Variants in ATRN observed in about 807,000 individuals in gnomAD.
ATRN encodes attractin-2.
In ATRN, 54 loss-of-function variants were observed where a neutral mutation model predicts 178.7. That is an observed-to-expected ratio of 0.30 (90% confidence interval 0.24 to 0.38). The LOEUF is 0.38. Ranked by LOEUF, ATRN falls within the 10% of genes least tolerant of loss-of-function variation. ATRN has a pLI of 1.00. For synonymous variants in ATRN, 636 were observed against 663.0 expected (o/e 0.96, Z 0.63); for missense variants, 1,443 against 1,815.1 (o/e 0.79, Z 3.73).
chr20:3,538,101 T>TC (rs991989045), intron 2 of ATRN, among the ~76,000 whole-genome samples: 4 of 109,664 alleles, frequency 3.6e-5, no homozygotes, highest in African/African-American at 1.0e-4. Context: ...ATGCTATCCC[T>TC]CCCCCCTCCC....
At chr20:3,534,872 C>T (rs1051333511) in intron 1 of ATRN, among the ~76,000 whole-genome samples, 9 of 151,688 alleles carry the variant, frequency 5.9e-5, no homozygotes, top group South Asian at 2.1e-4. Context: ...TTTGGGAAGC[C>T]GAGATGGGAG....
intron 25 of ATRN, among the ~76,000 whole-genome samples, chr20:3,626,539 G>T (rs1008912174): frequency 6.6e-6 from 1 of 151,922 alleles, no homozygotes; most frequent in Non-Finnish European, 1.5e-5. Flanking sequence ...AACACTTCAG[G>T]CTTCTTATTT....
rs1214309175 is a variant in ATRN, at chr20:3,546,691, A to G, written c.738-593A>G. 2.0e-5 allele frequency among the ~76,000 whole-genome samples: 3 copies of G among 152,060 alleles called. No homozygotes were observed. The East Asian group carries it at 5.8e-4, about 29-fold the overall frequency. On this transcript the variant is annotated intron_variant, in intron 4 of 28. Transcript: ENST00000262919. ...CAGCCGTGAGCCACTGCGCCTGGCC[A>G]TAGTTCAATTCTTACATTAAGTTAA...
chr20:3,500,096 C>T (rs1472182982), intron 1 of ATRN, among the ~76,000 whole-genome samples: 4 of 152,220 alleles, frequency 2.6e-5, no homozygotes, highest in Non-Finnish European at 5.9e-5. Context: ...CTCACCATCC[C>T]TGGCCATCAG....
At chr20:3,564,515 C>A (rs1445562939) in intron 10 of ATRN, among the ~76,000 whole-genome samples, 1 of 152,102 alleles carries the variant, frequency 6.6e-6, no homozygotes, top group African/African-American at 2.4e-5. Flanking sequence ...ATAGCAGCAC[C>A]AGTTGGTATT....
intron 21 of ATRN, 73 bp from the exon 22 acceptor site, chr20:3,597,833 G>C: frequency 1.1e-6 from 1 of 900,440 alleles, no homozygotes; most frequent in South Asian, 1.6e-5. Context: ...AAGAAAAGCA[G>C]CCTGTATCTC....
chr20:3,487,777 A>G (rs1445597964), intron 1 of ATRN, among the ~76,000 whole-genome samples: 1 of 152,182 alleles, frequency 6.6e-6, no homozygotes, highest in East Asian at 1.9e-4. Flanking sequence ...GGTGGTATGT[A>G]TTAGAACTCA....
At chr20:3,564,634 A>G (rs2086006301) in intron 10 of ATRN, among the ~76,000 whole-genome samples, 1 of 152,224 alleles carries the variant, frequency 6.6e-6, no homozygotes, top group Admixed American at 6.5e-5. Flanking sequence ...AAATTTCTTG[A>G]AATTTCATTT....
intron 1 of ATRN, chr20:3,491,027 C>G (rs2084785884): frequency 1.6e-6 from 2 of 1,276,732 alleles, no homozygotes; most frequent in Admixed American, 1.8e-5. Context: ...CGCAGCCTCT[C>G]TTAAAAATTT....
At position 3,645,650 on chromosome 20, in the gene ATRN, G is replaced by A. The variant is rs1295825079; in HGVS notation, c.4166-1073G>A. Among the ~76,000 whole-genome samples, 1 of 151,870 alleles carries A rather than the reference G, an allele frequency of 6.6e-6. No individual in the cohort carries two copies. Among genetic ancestry groups the A allele is most frequent in the Non-Finnish European group, 1.5e-5 (1 of 67,914 alleles). On this transcript the variant is annotated intron_variant, in intron 28 of 28. Transcript: ENST00000262919. This position sits in a 1 kb window ranked among gnomAD's most constrained non-coding sequence, Gnocchi z 4.7. ...ATGCTTGAGACCCACCCAACAGTGG[G>A]GCCGTCCTTGCTGCCCCTTCTGTAC...
chr20:3,643,614 C>T (rs2087085783), intron 27 of ATRN, among the ~76,000 whole-genome samples: 1 of 152,190 alleles, frequency 6.6e-6, no homozygotes, highest in Admixed American at 6.5e-5. Context: ...GAGCCAAATG[C>T]ATCCAGAGAG....
intron 24 of ATRN, among the ~76,000 whole-genome samples, chr20:3,624,200 C>T (rs1568771357): frequency 6.6e-6 from 1 of 152,184 alleles, no homozygotes; most frequent in South Asian, 2.1e-4. Flanking sequence ...TGGGTGGAGG[C>T]GCAGGGAGGG....
rs1033922542 is a variant in ATRN, at chr20:3,645,797, C to T, written c.4166-926C>T. Reference sequence around the variant, plus strand: ...CACAGGCTCAACAAGGCAAGTAACACGCTCCACTAACACAACTCCTGGCAG... The same window carrying T: ...CACAGGCTCAACAAGGCAAGTAACATGCTCCACTAACACAACTCCTGGCAG... On this transcript the variant is annotated intron_variant, in intron 28 of 28. Coordinates refer to ENST00000262919, the MANE Select transcript of ATRN (RefSeq NM_139321.3). This position sits in a 1 kb window ranked among gnomAD's most constrained non-coding sequence, Gnocchi z 4.7. 6.6e-6 allele frequency among the ~76,000 whole-genome samples: 1 copy of T among 151,724 alleles called. No homozygotes were observed. Among genetic ancestry groups the T allele is most frequent in the African/African-American group, 2.4e-5 (1 of 41,326 alleles).
intron 24 of ATRN, among the ~76,000 whole-genome samples, chr20:3,604,987 T>C (rs2086659273): frequency 1.3e-5 from 2 of 152,178 alleles, no homozygotes; most frequent in Admixed American, 1.3e-4. Flanking sequence ...CTTCTGCTTC[T>C]TACCTTCTTC....
chr20:3,629,053 G>T, intron 25 of ATRN: 1 of 985,134 alleles, frequency 1.0e-6, no homozygotes, highest in East Asian at 1.1e-4. Context: ...CTGGTTCCAA[G>T]CCACTTCTCT....
intron 1 of ATRN, among the ~76,000 whole-genome samples, chr20:3,478,870 C>T (rs751556420): frequency 1.6e-4 from 24 of 151,200 alleles, no homozygotes; most frequent in Admixed American, 5.9e-4. Flanking sequence ...TTCTTTTCAT[C>T]TCTACTTACC....
intron 10 of ATRN, among the ~76,000 whole-genome samples, chr20:3,563,922 AGT>A (rs2085992596): frequency 6.6e-6 from 1 of 152,264 alleles, no homozygotes; most frequent in Non-Finnish European, 1.5e-5. Flanking sequence ...TGTCTAGTTT[AGT>A]GATACTAAAC....
intron 1 of ATRN, among the ~76,000 whole-genome samples, chr20:3,489,146 A>G (rs887123798): frequency 6.6e-5 from 10 of 152,104 alleles, no homozygotes; most frequent in Non-Finnish European, 1.3e-4. Flanking sequence ...TTTTTATTAG[A>G]GATGGGGTTT....
At chr20:3,622,489 T>G (rs6051978) in intron 24 of ATRN, among the ~76,000 whole-genome samples, 1,931 of 151,980 alleles carry the variant, frequency 0.013, 43 homozygotes, top group African/African-American at 0.044. Context: ...GTTTATGCCT[T>G]TTACATTGAG....
Sources: gnomAD v4.1 joint callset for allele counts (sites outside exome capture counted in the v4.1 genomes callset) on GRCh38, gnomAD v4.1.1 for gene constraint, Gnocchi (gnomAD v3.1) non-coding constraint, MANE v1.5 for transcripts, NCBI Gene and HGNC (gene_info 2026-07-23, HGNC 2026-07-21) for gene names.